ACACA: variants seen among roughly 807,000 people sequenced by gnomAD.
The protein encoded by ACACA is acetyl-CoA carboxylase alpha, also known as acetyl-CoA carboxylase 1.
A neutral mutation model predicts 296.1 loss-of-function variants in ACACA; 103 were observed. The observed-to-expected ratio is 0.35, with a 90% confidence interval of 0.30 to 0.41. ACACA has a LOEUF of 0.41. Among genes scored for constraint, ACACA ranks in the 10% least tolerant of loss-of-function variants. The pLI is 1.00. For missense variants in ACACA, 1,554 were observed against 2,989.7 expected, an observed-to-expected ratio of 0.52 and a Z score of 11.20; for synonymous variants, 953 against 1,038.6, an observed-to-expected ratio of 0.92 and a Z score of 1.58.
At chr17:37,378,035 C>A in intron 1 of ACACA, 4 of 1,342,590 alleles carry the variant, frequency 3.0e-6, no homozygotes, top group Non-Finnish European at 4.3e-6. Context: ...AAAGATATCT[C>A]ATCTTCCCAC....
intron 3 of ACACA, among the ~76,000 whole-genome samples, chr17:37,289,987 T>C (rs143998180): frequency 2.6e-4 from 40 of 152,324 alleles, no homozygotes; most frequent in African/African-American, 8.4e-4. Context: ...TCAGAGATTC[T>C]TATTTATTGC....
chr17:37,267,660 A>C (rs924507110), intron 10 of ACACA, among the ~76,000 whole-genome samples: 2 of 152,104 alleles, frequency 1.3e-5, no homozygotes, highest in African/African-American at 4.8e-5. Flanking sequence ...TCCTGGGCTC[A>C]AGGGATTCTC....
intron 2 of ACACA, among the ~76,000 whole-genome samples, chr17:37,335,816 G>A (rs1412172642): frequency 1.3e-5 from 2 of 152,138 alleles, no homozygotes; most frequent in Admixed American, 1.3e-4. Flanking sequence ...CTTCAAAATC[G>A]AAGAGCTTTA....
At chr17:37,266,549 C>G (rs984758024) in intron 10 of ACACA, among the ~76,000 whole-genome samples, 1 of 151,324 alleles carries the variant, frequency 6.6e-6, no homozygotes, top group Non-Finnish European at 1.5e-5. Context: ...ATTTCTGAGG[C>G]CTTAAAGTCA....
At chr17:37,172,502 T>C (rs1400487256) in intron 41 of ACACA, among the ~76,000 whole-genome samples, 22 of 152,182 alleles carry the variant, frequency 1.4e-4, no homozygotes, top group Non-Finnish European at 3.1e-4. Context: ...GGATCCAAGT[T>C]TGGTTTGGAA....
Position 37,245,017 on chromosome 17 carries a change from C to T in ACACA, c.2595+63G>A, listed in dbSNP as rs1414679886. The T allele has an allele frequency of 2.5e-6, 4 of 1,610,524 alleles. No homozygotes were observed. The African/African-American group carries it at 4.0e-5, about 16-fold the overall frequency. The stretch of plus-strand genomic sequence containing the variant: ...CAAACCAAGCATTGAAATCACTTGC[C>T]TCTCCAAACCACCAAGTTCTTTAGC... On this transcript the variant is annotated intron_variant, in intron 20 of 55. Transcript: ENST00000616317.
chr17:37,344,591 C>T (rs2048531991), intron 1 of ACACA, among the ~76,000 whole-genome samples: 1 of 151,788 alleles, frequency 6.6e-6, no homozygotes, highest in Non-Finnish European at 1.5e-5. Flanking sequence ...AATAAATAAA[C>T]TAAAAAGGCA....
intron 5 of ACACA, among the ~76,000 whole-genome samples, chr17:37,279,484 A>C (rs796901141): frequency 4.6e-5 from 7 of 152,158 alleles, no homozygotes; most frequent in African/African-American, 1.7e-4. Context: ...AATACAAAAA[A>C]TTAGCCGGGG....
At chr17:37,231,075 G>A (rs868749699) in intron 25 of ACACA, among the ~76,000 whole-genome samples, 1 of 152,092 alleles carries the variant, frequency 6.6e-6, no homozygotes, top group Admixed American at 6.5e-5. Flanking sequence ...ATGATAAAAC[G>A]TTAAACCCAT....
chr17:37,282,452 T>C (rs1436474040), intron 5 of ACACA, among the ~76,000 whole-genome samples: 1 of 152,218 alleles, frequency 6.6e-6, no homozygotes, highest in African/African-American at 2.4e-5. Flanking sequence ...TGATCTAATA[T>C]ATAACATTTG....
At chr17:37,305,896 TTTTTTTTG>T (rs2083854273) in intron 3 of ACACA, among the ~76,000 whole-genome samples, 1 of 95,956 alleles carries the variant, frequency 1.0e-5, no homozygotes, top group Non-Finnish European at 1.7e-5. Flanking sequence ...TTAGCAGTTT[TTTTTTTTG>T]TTTTTTTTTT....
chr17:37,284,080 G>C (rs1287693472), intron 4 of ACACA, among the ~76,000 whole-genome samples: 1 of 152,164 alleles, frequency 6.6e-6, no homozygotes, highest in African/African-American at 2.4e-5. Context: ...AATACTTTTA[G>C]GAGTGGAAAT....
At chr17:37,099,954 A>G (rs974428926) in intron 52 of ACACA, among the ~76,000 whole-genome samples, 2 of 152,198 alleles carry the variant, frequency 1.3e-5, no homozygotes, top group Non-Finnish European at 2.9e-5. Context: ...ATGTGTTCCC[A>G]CTGCCCAATT....
In ACACA at chr17:37,129,393, T is replaced by A. The variant is rs375452579; in HGVS notation, c.5916A>T (p.Arg1972=). The stretch of plus-strand genomic sequence containing the variant: ...GGTGAGGACGGCCTGCTAGCATCCA[T>A]CGAGGATCGTATGGGGTCTTTGTGG... ...FVPTKTPYDP[R]WMLAGRPHPT... is the part of the protein sequence containing the mutation. The change falls in exon 47 of 56, where the codon CGA becomes CGT. Residue 1972 remains arginine, a synonymous_variant. Transcript: ENST00000616317. 1 of 1,614,116 alleles carries A rather than the reference T, an allele frequency of 6.2e-7. No individual in the cohort carries two copies. Among genetic ancestry groups the A allele is most frequent in the African/African-American group, 1.3e-5 (1 of 75,012 alleles).
intron 35 of ACACA, among the ~76,000 whole-genome samples, chr17:37,196,063 A>G (rs1435645177): frequency 2.6e-5 from 4 of 152,152 alleles, no homozygotes; most frequent in African/African-American, 9.7e-5. Flanking sequence ...CACCCCGCAA[A>G]TCAGAGAATG....
chr17:37,366,949 G>A (rs1241881643), intron 1 of ACACA: 1 of 152,048 alleles, frequency 6.6e-6, no homozygotes, highest in African/African-American at 2.4e-5. Flanking sequence ...TTACCTGGGT[G>A]TTGTGGCAGG....
At position 37,149,965 on chromosome 17, in the gene ACACA, G is replaced by T. The variant is rs758980216; in HGVS notation, c.5578C>A (p.Arg1860=). 6.2e-7 allele frequency: 1 copy of T among 1,614,028 alleles called. No homozygotes were observed. Among genetic ancestry groups the T allele is most frequent in the East Asian group, 2.2e-5 (1 of 44,884 alleles). Residue 1860 remains arginine (R), a synonymous_variant, in exon 45 of 56, where the codon CGG becomes AGG. Transcript: ENST00000616317. ...EIITISLVTC[R]AIGIGAYLVR... is the part of the protein sequence containing the mutation. ...AGGTAAGCCCCAATCCCAATGGCCC[G>T]GCACGTCACCTTAGAAAAGAATAAA...
At position 37,377,996 on chromosome 17, in the gene ACACA, A is replaced by G. The variant is rs142727216; in HGVS notation, c.38+28266T>C. ...GAATGGGTCCTTTCTGGAAAATGAT[A>G]TTGCCATTCCAAAAAATTTTTACCT... On this transcript the variant is annotated intron_variant, in intron 1 of 55. Coordinates refer to ENST00000616317, the MANE Select transcript of ACACA (RefSeq NM_198834.3). 5,142 of 1,597,532 alleles carry G rather than the reference A, an allele frequency of 3.2e-3. 16 individuals carry two copies. Among genetic ancestry groups the G allele is most frequent in the Middle Eastern group, 0.012 (70 of 6,014 alleles).
intron 41 of ACACA, among the ~76,000 whole-genome samples, chr17:37,174,009 TATA>T (rs1336614062): frequency 1.9e-3 from 28 of 15,040 alleles, no homozygotes; most frequent in South Asian, 2.6e-3. Context: ...TATATATATA[TATA>T]TATATATATT....
Sources: gnomAD v4.1 joint callset for allele counts (sites outside exome capture counted in the v4.1 genomes callset) on GRCh38, gnomAD v4.1.1 for gene constraint, MANE v1.5 for transcripts, NCBI Gene and HGNC (gene_info 2026-07-23, HGNC 2026-07-21) for gene names.